ASNSD1: variants seen among roughly 807,000 people sequenced by gnomAD.
ASNSD1 encodes the protein asparagine synthetase domain containing 1.
A neutral mutation model predicts 48.3 loss-of-function variants in ASNSD1; 36 were observed. The observed-to-expected ratio is 0.75, with a 90% CI of 0.57 to 0.99. ASNSD1 has a LOEUF of 0.99. ASNSD1 is among the 50% of genes least tolerant of loss of function. The pLI is 0.00. For synonymous variants in ASNSD1, 257 were observed against 262.1 expected (o/e 0.98, Z 0.19); for missense variants, 714 against 758.2 (o/e 0.94, Z 0.69).
intron 3 of ASNSD1, among the ~76,000 whole-genome samples, 169 bp downstream of exon 3, chr2:189,665,620 A>ATGTATATATATATATATATATG (rs1559034471): frequency 8.7e-6 from 1 of 114,334 alleles, no homozygotes; most frequent in African/African-American, 3.4e-5. Flanking sequence ...ATATATATAT[A>ATGTATATATATATATATATATG]TATATATATA....
chr2:189,670,359 A>G, intron 5 of ASNSD1, 82 bp from the exon 6 acceptor site: 1 of 1,218,106 alleles, frequency 8.2e-7, no homozygotes, highest in Non-Finnish European at 1.1e-6. Context: ...AATTTGGTTA[A>G]ATTTTAGCTA....
At position 189,661,575 on chromosome 2, in the gene ASNSD1, A is replaced by G; in HGVS notation, c.-258A>G. The G allele has an allele frequency of 2.5e-6, 1 of 399,250 alleles. No homozygotes were observed. Among genetic ancestry groups the G allele is most frequent in the Non-Finnish European group, 4.4e-6 (1 of 226,228 alleles). The allele number at this position is 399,250 out of a possible 1,614,324, so 24.7% of individuals were successfully genotyped here. On this transcript the variant is annotated 5_prime_UTR_variant, in exon 1 of 6. Coordinates refer to ENST00000260952, the MANE Select transcript of ASNSD1 (RefSeq NM_019048.4). The stretch of plus-strand genomic sequence containing the variant: ...CAGCTCTGTGCTGATCCCCACCGAC[A>G]ATTCGACCCCACACAAGGAGGATCT...
chr2:189,666,293 T>C lies in ASNSD1; in HGVS notation c.161T>C (p.Leu54Pro), dbSNP rs753122033. Reference sequence around the variant, plus strand: ...CAGTGTTTATTTTCTGCTCACGTCCTACACTTGAGGGGTGTTTTGACTACC... The same window carrying C: ...CAGTGTTTATTTTCTGCTCACGTCCCACACTTGAGGGGTGTTTTGACTACC... Reference protein sequence around the residue: ...NYQCLFSAHVLHLRGVLTTQP... With the variant: ...NYQCLFSAHVPHLRGVLTTQP... The change falls in exon 4 of 6, where the codon CTA becomes CCA. Residue 54 changes from leucine (L) to proline (P), a missense_variant. Coordinates refer to ENST00000260952, the MANE Select transcript of ASNSD1 (RefSeq NM_019048.4). 1.2e-6 allele frequency: 2 copies of C among 1,614,010 alleles called. No homozygotes were observed. The highest frequency in any genetic ancestry group is 1.3e-5 in the African/African-American group (1 of 74,926).
Position 189,667,460 on chromosome 2 carries a change from C to G in ASNSD1, c.1328C>G (p.Thr443Ser). 6.2e-7 allele frequency: 1 copy of G among 1,614,126 alleles called. No individual in the cohort carries two copies. The highest frequency in any genetic ancestry group is 8.5e-7 in the Non-Finnish European group (1 of 1,180,018). Residue 443 changes from threonine (T) to serine (S), a missense_variant, in exon 4 of 6, where the codon ACT becomes AGT. Coordinates refer to ENST00000260952, the MANE Select transcript of ASNSD1 (RefSeq NM_019048.4). The stretch of plus-strand genomic sequence containing the variant: ...GAAGAACTGCAGAAATTAAGAAGAA[C>G]TCGAATATGTCACTTAATTCGGCCA... ...SMEELQKLRRTRICHLIRPLD... is the reference protein window; with the variant it reads ...SMEELQKLRRSRICHLIRPLD...
chr2:189,664,768 A>G (rs1219052126), intron 2 of ASNSD1, among the ~76,000 whole-genome samples: 1 of 151,856 alleles, frequency 6.6e-6, no homozygotes, highest in African/African-American at 2.4e-5. Flanking sequence ...AAAGAAGTTG[A>G]GGCAGAATTA....
intron 1 of ASNSD1, among the ~76,000 whole-genome samples, chr2:189,663,239 A>AT (rs1306867009): frequency 5.5e-5 from 8 of 146,256 alleles, no homozygotes; most frequent in South Asian, 2.1e-4. Context: ...ATATATATAT[A>AT]TTTTTTAAAT....
intron 1 of ASNSD1, among the ~76,000 whole-genome samples, chr2:189,662,918 C>T (rs542933139): frequency 1.4e-5 from 2 of 143,642 alleles, no homozygotes; most frequent in East Asian, 4.0e-4. Context: ...CACTGCACTC[C>T]AGCCTGGGTA....
chr2:189,666,356 G>A lies in ASNSD1; in HGVS notation c.224G>A (p.Trp75Ter). The A allele has an allele frequency of 6.2e-7, 1 of 1,613,812 alleles. No individual in the cohort carries two copies. The highest frequency in any genetic ancestry group is 8.5e-7 in the Non-Finnish European group (1 of 1,179,826). The part of the protein sequence containing the change: ...VEDERGNVFL[W>*]NGEIFSGIKV... ...GATGAAAGAGGCAATGTGTTTCTAT[G>A]GAATGGAGAAATTTTTAGTGGAATA... Residue 75 changes from tryptophan (W) to a stop codon, truncating the protein, a stop_gained, in exon 4 of 6, where the codon TGG (tryptophan) becomes TAG (stop). Transcript: ENST00000260952. LOFTEE classifies it high-confidence loss of function.
chr2:189,663,462 A>G (rs1166188369), intron 1 of ASNSD1, among the ~76,000 whole-genome samples: 5 of 152,162 alleles, frequency 3.3e-5, no homozygotes, highest in Non-Finnish European at 7.4e-5. Flanking sequence ...CATGTTGGTC[A>G]GGCTGGTCTC....
chr2:189,663,461 C>T (rs6434361), intron 1 of ASNSD1, among the ~76,000 whole-genome samples: 95,385 of 151,980 alleles, frequency 0.63, 32,094 homozygotes, highest in South Asian at 0.76. Context: ...GCATGTTGGT[C>T]AGGCTGGTCT....
intron 3 of ASNSD1, 67 bp downstream of exon 3, chr2:189,665,518 T>C (rs1481423844): frequency 5.2e-6 from 2 of 381,544 alleles, no homozygotes; most frequent in East Asian, 7.4e-5. Flanking sequence ...TGTTAAAATA[T>C]ATATCTAAAG....
At chr2:189,662,739 T>TA (rs1381657433) in intron 1 of ASNSD1, among the ~76,000 whole-genome samples, 1 of 151,944 alleles carries the variant, frequency 6.6e-6, no homozygotes, top group Non-Finnish European at 1.5e-5. Context: ...ACAAAATAAA[T>TA]AGAGTTAAAA....
chr2:189,667,201 A>G lies in ASNSD1; in HGVS notation c.1069A>G (p.Ile357Val). ...AATTGATCTTCTTAATGTAGCTTTC[A>G]TAGCTGAAGAAAAGACCATGCCAAC... is the stretch of plus-strand genomic sequence containing the variant. ...EPIDLLNVAF[I>V]AEEKTMPTTF... The change falls in exon 4 of 6, where the codon ATA (isoleucine) becomes GTA (valine). Residue 357 changes from isoleucine to valine, a missense_variant. Coordinates refer to ENST00000260952, the MANE Select transcript of ASNSD1 (RefSeq NM_019048.4). The G allele has an allele frequency of 6.2e-7, 1 of 1,614,200 alleles. No homozygotes were observed. Among genetic ancestry groups the G allele is most frequent in the African/African-American group, 1.3e-5 (1 of 75,060 alleles).
rs1559034518 is a variant in ASNSD1 at position 189,665,636 on chromosome 2, ATATATATATATT to A, written c.-93+186_-93+197del. On this transcript the variant is annotated intron_variant, in intron 3 of 5. Transcript: ENST00000260952. Reference sequence around the variant, plus strand: ...TATATATATATATATATATATATATATATATATATATTATAAATGTTTTAGAAAGCAATAGTT... The same window carrying A: ...TATATATATATATATATATATATATAATAAATGTTTTAGAAAGCAATAGTT... Among the ~76,000 whole-genome samples the A allele has an allele frequency of 3.0e-4, 33 of 110,416 alleles. 2 individuals carry two copies. In the South Asian group the frequency reaches 3.7e-3, roughly 13 times the overall value. 72.4% of individuals were successfully genotyped at this position (110,416 alleles called of 152,430 possible).
chr2:189,666,093 G>A lies in ASNSD1; in HGVS notation c.-40G>A. 1 of 1,494,628 alleles carries A rather than the reference G, an allele frequency of 6.7e-7. No individual in the cohort carries two copies. The highest frequency in any genetic ancestry group is 8.9e-7 in the Non-Finnish European group (1 of 1,125,444). 92.6% of individuals were successfully genotyped at this position (1,494,628 alleles called of 1,614,324 possible). On this transcript the variant is annotated 5_prime_UTR_variant, in exon 4 of 6. Coordinates refer to ENST00000260952, the MANE Select transcript of ASNSD1 (RefSeq NM_019048.4). ...ACCAAGAAATAGAAAACTTAGACAA[G>A]ACCAAAATCAAGAAATAGTCAACCT...
chr2:189,666,877 C>A lies in ASNSD1; in HGVS notation c.745C>A (p.Pro249Thr), dbSNP rs913509706. The change falls in exon 4 of 6, where the codon CCA becomes ACA. Residue 249 changes from proline to threonine, a missense_variant. Transcript: ENST00000260952. ...TGTTGTTCCTTTAAATATGATGTTG[C>A]CACAAGCTGCATTGGAGACTCATTG... Reference protein sequence around the residue: ...KPVVPLNMMLPQAALETHCSN... With the variant: ...KPVVPLNMMLTQAALETHCSN... The A allele has an allele frequency of 1.2e-6, 2 of 1,613,910 alleles. No homozygotes were observed. The highest frequency in any genetic ancestry group is 8.5e-7 in the Non-Finnish European group (1 of 1,179,968).
intron 2 of ASNSD1, 112 bp downstream of exon 2, chr2:189,664,066 T>C (rs762951565): frequency 5.9e-6 from 2 of 336,330 alleles, no homozygotes; most frequent in Non-Finnish European, 1.1e-5. Context: ...ATAAAATGTA[T>C]AGTATTTCAG....
At position 189,663,852 on chromosome 2, in the gene ASNSD1, G is replaced by A. The variant is rs2032728084; in HGVS notation, c.-222-49G>A. 1.1e-5 allele frequency: 4 copies of A among 377,338 alleles called. No individual in the cohort carries two copies. The East Asian group carries it at 1.5e-4, about 14-fold the overall frequency. 23.4% of individuals were successfully genotyped at this position (377,338 alleles called of 1,614,324 possible). A position where few individuals can be genotyped will look rare whatever the true frequency, so the allele number is the denominator to read the frequency against. On this transcript the variant is annotated intron_variant, in intron 1 of 5. Coordinates refer to ENST00000260952, the MANE Select transcript of ASNSD1 (RefSeq NM_019048.4). Reference sequence around the variant, plus strand: ...CAACCCCTTAAGGGATTTTCATTGAGCATACTTTGAAAACATCTGACTTAA... The same window carrying A: ...CAACCCCTTAAGGGATTTTCATTGAACATACTTTGAAAACATCTGACTTAA...
chr2:189,666,174 T>G lies in ASNSD1; in HGVS notation c.42T>G (p.His14Gln), dbSNP rs1483814351. 6.2e-7 allele frequency: 1 copy of G among 1,601,882 alleles called. No individual in the cohort carries two copies. The highest frequency in any genetic ancestry group is 8.5e-7 in the Non-Finnish European group (1 of 1,175,200). Residue 14 changes from histidine to glutamine, a missense_variant, in exon 4 of 6, where the codon CAT becomes CAG. By Grantham distance (24) the His-to-Gln change is conservative. Transcript: ENST00000260952. ...ICCSVNFSAE[H>Q]FSQDLKEDLL... ...GTTCTGTAAACTTTTCTGCTGAGCA[T>G]TTCAGTCAAGATTTAAAAGAGGACT...
Sources: allele counts gnomAD v4.1 joint callset (sites outside exome capture counted in the v4.1 genomes callset), GRCh38; gene constraint gnomAD v4.1.1; transcripts MANE v1.5; gene names NCBI Gene and HGNC (gene_info 2026-07-23, HGNC 2026-07-21).